ZFP28: variants seen among roughly 807,000 people sequenced by gnomAD.
ZFP28 encodes the protein zinc finger protein 28 homolog.
Under a neutral mutation model 39.5 loss-of-function variants are expected in ZFP28, and 31 were observed. That is an observed-to-expected ratio of 0.79 (90% confidence interval 0.59 to 1.06). The LOEUF is 1.06. ZFP28 is among the 50% of genes least tolerant of loss of function. The pLI is 0.00. For synonymous variants in ZFP28, 400 were observed against 378.6 expected, an observed-to-expected ratio of 1.06 and a Z score of -0.66; for missense variants, 925 against 1,048.4, an observed-to-expected ratio of 0.88 and a Z score of 1.63.
intron 5 of ZFP28, 73 bp from the exon 6 acceptor site, chr19:56,549,994 C>T (rs2044281210): frequency 1.6e-6 from 2 of 1,260,008 alleles, no homozygotes; most frequent in East Asian, 2.5e-5. Context: ...AGTGTGGACA[C>T]AGTCCATCCC....
At chr19:56,537,543 C>T (rs1443542331), upstream of ZFP28, 1 of 152,204 alleles carries the variant, frequency 6.6e-6, no homozygotes, top group Non-Finnish European at 1.5e-5. Flanking sequence ...AAAATAGACA[C>T]CAGAGAGACC....
In ZFP28 at chr19:56,556,675, C is replaced by G. The variant is rs1176161729; in HGVS notation, c.*1283C>G. The G allele has an allele frequency of 6.6e-6, 1 of 151,866 alleles. No individual in the cohort carries two copies. The highest frequency in any genetic ancestry group is 1.5e-5 in the Non-Finnish European group (1 of 67,952). The allele number at this position is 151,866 out of a possible 1,614,324, so 9.4% of individuals were successfully genotyped here. ...AGATTTTAATTTTATGAGGGCAATA[C>G]AACTGTCACATCAGAAACAAGAAAA... On this transcript the variant is annotated 3_prime_UTR_variant, in exon 8 of 8. Coordinates refer to ENST00000301318, the MANE Select transcript of ZFP28 (RefSeq NM_020828.2).
intron 7 of ZFP28, chr19:56,551,217 A>G: frequency 1.0e-6 from 1 of 986,554 alleles, no homozygotes; most frequent in Non-Finnish European, 1.2e-6. Flanking sequence ...GTTGAATTGC[A>G]AGAAGGTGGA....
rs1470787191 is a variant in ZFP28 at position 56,550,147 on chromosome 19, G to A, written c.768G>A (p.Gly256=). ...CTCAGAAGAATTTCTGTAAGAATGGGATATGGGAGAACAACAGTGACCTGG... is the reference window on the plus strand; with the variant it reads ...CTCAGAAGAATTTCTGTAAGAATGGAATATGGGAGAACAACAGTGACCTGG... ...HPAQKNFCKN[G]IWENNSDLGS... is the part of the protein sequence containing the mutation. The change falls in exon 6 of 8, where the codon GGG becomes GGA. Residue 256 remains glycine (G), a synonymous_variant. Coordinates refer to ENST00000301318, the MANE Select transcript of ZFP28 (RefSeq NM_020828.2). The A allele has an allele frequency of 6.2e-7, 1 of 1,612,826 alleles. No homozygotes were observed. Among genetic ancestry groups the A allele is most frequent in the Admixed American group, 1.7e-5 (1 of 59,888 alleles).
chr19:56,539,589 G>A, intron 1 of ZFP28, 36 bp from the exon 2 acceptor site: 1 of 1,573,194 alleles, frequency 6.4e-7, no homozygotes, highest in South Asian at 1.1e-5. Flanking sequence ...GGACTGTGGT[G>A]TAGACCTGGT....
intron 1 of ZFP28, 80 bp downstream of exon 1, chr19:56,539,306 T>G: frequency 1.4e-6 from 2 of 1,397,710 alleles, no homozygotes; most frequent in African/African-American, 1.5e-5. Flanking sequence ...GGTTGGGCTC[T>G]CGGGGACCAG....
intron 2 of ZFP28, among the ~76,000 whole-genome samples, chr19:56,543,077 GA>G (rs2044209619): frequency 6.6e-6 from 1 of 151,528 alleles, no homozygotes; most frequent in African/African-American, 2.4e-5. Context: ...TTCATGTTTT[GA>G]AAAAAATGTA....
Position 56,547,436 on chromosome 19 carries a change from T to A in ZFP28, c.301-72T>A, listed in dbSNP as rs1019841812. On this transcript the variant is annotated intron_variant, in intron 2 of 7. Transcript: ENST00000301318. The surrounding 1 kb of genome is among the most constrained non-coding windows in gnomAD (Gnocchi z 4.6). The stretch of plus-strand genomic sequence containing the variant: ...GAGTTTTGTCAGGGGACACATTTCT[T>A]TCTATAACAAACCCCCAGTCATGTG... 3.1e-6 allele frequency: 5 copies of A among 1,607,804 alleles called. No homozygotes were observed. The highest frequency in any genetic ancestry group is 3.7e-4 in the Middle Eastern group (2 of 5,446).
At chr19:56,538,695 C>G (rs1274128693), upstream of ZFP28, 1 of 151,130 alleles carries the variant, frequency 6.6e-6, no homozygotes, top group East Asian at 2.0e-4. Flanking sequence ...GGGCATTGCG[C>G]CGAGGCCACG....
At position 56,547,444 on chromosome 19, in the gene ZFP28, C is replaced by G. The variant is rs1020972178; in HGVS notation, c.301-64C>G. ...TCAGGGGACACATTTCTTTCTATAA[C>G]AAACCCCCAGTCATGTGGGGGCATG... On this transcript the variant is annotated intron_variant, in intron 2 of 7. Transcript: ENST00000301318. This position sits in a 1 kb window ranked among gnomAD's most constrained non-coding sequence, Gnocchi z 4.6. 4 of 1,610,836 alleles carry G rather than the reference C, an allele frequency of 2.5e-6. No individual in the cohort carries two copies. The African/African-American group carries it at 4.0e-5, about 16-fold the overall frequency.
chr19:56,554,643 G>A lies in ZFP28; in HGVS notation c.1858G>A (p.Ala620Thr). 6.2e-7 allele frequency: 1 copy of A among 1,613,408 alleles called. No homozygotes were observed. The highest frequency in any genetic ancestry group is 8.5e-7 in the Non-Finnish European group (1 of 1,179,422). The change falls in exon 8 of 8, where the codon GCG becomes ACG. Residue 620 changes from alanine to threonine, a missense_variant. Physicochemically the swap from Ala to Thr is moderately conservative, Grantham distance 58. Around this residue, in one of 2 missense-constraint regions of ZFP28, gnomAD observed 369 missense variants for 505.5 expected, o/e 0.73. Coordinates refer to ENST00000301318, the MANE Select transcript of ZFP28 (RefSeq NM_020828.2). The surrounding 1 kb of genome is among the most constrained non-coding windows in gnomAD (Gnocchi z 6.7). ...TACTGGGGAGAAGCCTTTTGAATGTGCGGAGTGTGGAAAATCCTTCAGCAT... is the reference window on the plus strand; with the variant it reads ...TACTGGGGAGAAGCCTTTTGAATGTACGGAGTGTGGAAAATCCTTCAGCAT... ...IHTGEKPFEC[A>T]ECGKSFSISS...
At position 56,556,329 on chromosome 19, in the gene ZFP28, A is replaced by C. The variant is rs2044350712; in HGVS notation, c.*937A>C. 1 of 152,228 alleles carries C rather than the reference A, an allele frequency of 6.6e-6. No individual in the cohort carries two copies. Among genetic ancestry groups the C allele is most frequent in the Non-Finnish European group, 1.5e-5 (1 of 68,048 alleles). 9.4% of individuals were successfully genotyped at this position (152,228 alleles called of 1,614,324 possible). On this transcript the variant is annotated 3_prime_UTR_variant, in exon 8 of 8. Coordinates refer to ENST00000301318, the MANE Select transcript of ZFP28 (RefSeq NM_020828.2). ...TGTGCTGCTTCCAGGCTGTAGCAGC[A>C]GAGTTGAGCAGTTGTGACAGGAGAC... is the stretch of plus-strand genomic sequence containing the variant.
intron 7 of ZFP28, chr19:56,551,255 C>A: frequency 1.0e-6 from 1 of 986,312 alleles, no homozygotes; most frequent in Admixed American, 6.1e-5. Flanking sequence ...TCTTGATGCA[C>A]AAGGGAAAGA....
chr19:56,539,094 C>G lies in ZFP28; in HGVS notation c.76C>G (p.Arg26Gly). The G allele has an allele frequency of 6.5e-7, 1 of 1,542,418 alleles. No homozygotes were observed. Among genetic ancestry groups the G allele is most frequent in the Admixed American group, 1.9e-5 (1 of 51,994 alleles). The change falls in exon 1 of 8, where the codon CGG becomes GGG. Residue 26 changes from arginine to glycine, a missense_variant. Coordinates refer to ENST00000301318, the MANE Select transcript of ZFP28 (RefSeq NM_020828.2). ...TAGAGGCGCCCCCCGCACAAAGCCC[C>G]GGGCGGGCCGAGGCCCGACTGTAGG... Reference protein sequence around the residue: ...PGRGAPRTKPRAGRGPTVGTP... With the variant: ...PGRGAPRTKPGAGRGPTVGTP...
At chr19:56,549,462 G>A (rs2044274198) in intron 5 of ZFP28, among the ~76,000 whole-genome samples, 1 of 152,140 alleles carries the variant, frequency 6.6e-6, no homozygotes, top group Non-Finnish European at 1.5e-5. Flanking sequence ...TGGATCACAA[G>A]GTCAGGAGAT....
Position 56,553,772 on chromosome 19 carries a change from A to C in ZFP28, c.987A>C (p.Lys329Asn), listed in dbSNP as rs773976165. 5.6e-6 allele frequency: 9 copies of C among 1,614,150 alleles called. No individual in the cohort carries two copies. Among genetic ancestry groups the C allele is most frequent in the Non-Finnish European group, 7.6e-6 (9 of 1,180,024 alleles). Residue 329 changes from lysine (K) to asparagine (N), a missense_variant, in exon 8 of 8, where the codon AAA becomes AAC. Lys to Asn is a moderately conservative substitution (Grantham distance 94, BLOSUM62 0). Transcript: ENST00000301318. ...TAACAGACAGAACCTCAAACACTAA[A>C]CTTGATTGTTCCAGTTTCAGAGAAA... ...EGVTDRTSNT[K>N]LDCSSFRENW...
At position 56,540,797 on chromosome 19, in the gene ZFP28, C is replaced by A. The variant is rs551093699; in HGVS notation, c.300+1081C>A. On this transcript the variant is annotated intron_variant, in intron 2 of 7. Transcript: ENST00000301318. ...ACTTCAGTTACAAAACAGGTGGCTA[C>A]CTATCCCTCAAATAGCTCATCCCTG... is the stretch of plus-strand genomic sequence containing the variant. Among the ~76,000 whole-genome samples, 8 of 152,262 alleles carry A rather than the reference C, an allele frequency of 5.3e-5. No individual in the cohort carries two copies. The East Asian group carries it at 7.7e-4, about 15-fold the overall frequency.
In ZFP28 at chr19:56,550,550, G is replaced by C. The variant is rs1393512425; in HGVS notation, c.843G>C (p.Glu281Asp). 6 of 1,614,014 alleles carry C rather than the reference G, an allele frequency of 3.7e-6. No homozygotes were observed. In the East Asian group the frequency reaches 1.3e-4, roughly 36 times the overall value. The change falls in exon 7 of 8, where the codon GAG becomes GAC. Residue 281 changes from glutamate to aspartate, a missense_variant. Around this residue, in one of 2 missense-constraint regions of ZFP28, gnomAD observed 556 missense variants for 542.9 expected, o/e 1.02. Coordinates refer to ENST00000301318, the MANE Select transcript of ZFP28 (RefSeq NM_020828.2). Reference sequence around the variant, plus strand: ...AGCCAGATTTAGTCTCTTTACTAGAGCAAGAGAAGGAGCCCTGGATGGTGA... The same window carrying C: ...AGCCAGATTTAGTCTCTTTACTAGACCAAGAGAAGGAGCCCTGGATGGTGA... ...VAKPDLVSLL[E>D]QEKEPWMVKR...
intron 2 of ZFP28, chr19:56,546,111 T>C (rs541600858): frequency 6.6e-6 from 1 of 152,396 alleles, no homozygotes; most frequent in Admixed American, 6.5e-5. Context: ...AAGGTTGGTA[T>C]TGTTGCCTTT....
Sources: allele counts gnomAD v4.1 joint callset (sites outside exome capture counted in the v4.1 genomes callset), GRCh38; gene constraint gnomAD v4.1.1; regional missense constraint gnomAD v4.1.1; non-coding constraint Gnocchi (gnomAD v3.1); transcripts MANE v1.5; gene names NCBI Gene and HGNC (gene_info 2026-07-23, HGNC 2026-07-21).